The following NBEA variants were observed in gnomAD, a reference collection of about 807,000 sequenced individuals.
NBEA encodes the protein lysosomal-trafficking regulator 2.
In NBEA, 44 loss-of-function variants were observed where a neutral mutation model predicts 343.4. The observed-to-expected ratio is 0.13, with a 90% CI of 0.10 to 0.16. NBEA has a LOEUF of 0.16. Among genes scored for constraint, NBEA ranks in the 10% least tolerant of loss-of-function variants. NBEA has a pLI of 1.00. For missense variants in NBEA, 2,555 were observed against 3,631.3 expected, an observed-to-expected ratio of 0.70 and a Z score of 7.62; for synonymous variants, 1,175 against 1,238.7, an observed-to-expected ratio of 0.95 and a Z score of 1.08.
chr13:35,085,797 C>T (rs1345636080), intron 10 of NBEA, among the ~76,000 whole-genome samples: 1 of 152,096 alleles, frequency 6.6e-6, no homozygotes, highest in African/African-American at 2.4e-5. Context: ...CAAATTGTCC[C>T]TGTTTGCAGA....
intron 26 of NBEA, among the ~76,000 whole-genome samples, chr13:35,173,125 A>AC (rs397730347): frequency 6.6e-6 from 1 of 151,596 alleles, no homozygotes; most frequent in African/African-American, 2.4e-5. Context: ...TTATGTTTAA[A>AC]ATATTTTATT....
At chr13:35,344,560 T>G (rs1476076724) in intron 36 of NBEA, among the ~76,000 whole-genome samples, 1 of 151,746 alleles carries the variant, frequency 6.6e-6, no homozygotes, top group East Asian at 1.9e-4. Flanking sequence ...ATAGTGAACA[T>G]ACAGAATGAA....
intron 10 of NBEA, among the ~76,000 whole-genome samples, chr13:35,073,789 G>A (rs2063984702): frequency 6.6e-6 from 1 of 151,948 alleles, no homozygotes; most frequent in Admixed American, 6.6e-5. Flanking sequence ...AAAAATAGAA[G>A]AAGTTAGACG....
At chr13:35,489,680 A>G (rs2076433975) in intron 41 of NBEA, among the ~76,000 whole-genome samples, 1 of 151,922 alleles carries the variant, frequency 6.6e-6, no homozygotes. Context: ...GCTTGAGAAG[A>G]ATGCCAGTTC....
intron 41 of NBEA, among the ~76,000 whole-genome samples, chr13:35,479,483 T>A: frequency 6.6e-6 from 1 of 152,128 alleles, no homozygotes; most frequent in East Asian, 1.9e-4. Context: ...TCCCCGAAAT[T>A]TTTTTATGGA....
intron 41 of NBEA, among the ~76,000 whole-genome samples, chr13:35,493,933 A>G (rs1223809659): frequency 6.6e-6 from 1 of 151,820 alleles, no homozygotes; most frequent in Non-Finnish European, 1.5e-5. Flanking sequence ...TTATTCTTCA[A>G]AGGATCCTTA....
At chr13:35,045,437 T>A (rs750512586) in intron 4 of NBEA, 36 bp downstream of exon 4, 2 of 1,484,590 alleles carry the variant, frequency 1.3e-6, no homozygotes, top group South Asian at 2.5e-5. Flanking sequence ...TTTTATTTAT[T>A]TATTTTTAGG....
At chr13:35,320,874 G>T (rs541894888) in intron 36 of NBEA, among the ~76,000 whole-genome samples, 10 of 151,616 alleles carry the variant, frequency 6.6e-5, no homozygotes, top group African/African-American at 2.4e-4. Flanking sequence ...CCTTCTGCTT[G>T]ATGTATTCGG....
chr13:34,972,448 T>G (rs1454307734), intron 1 of NBEA, among the ~76,000 whole-genome samples: 1 of 152,224 alleles, frequency 6.6e-6, no homozygotes, highest in Non-Finnish European at 1.5e-5. Context: ...TCTCTAATTT[T>G]TTAATATAGG....
At chr13:35,283,991 C>CAG (rs1210012139) in intron 34 of NBEA, among the ~76,000 whole-genome samples, 5 of 128,346 alleles carry the variant, frequency 3.9e-5, no homozygotes, top group Non-Finnish European at 8.6e-5. Context: ...TACACAGACA[C>CAG]ACACACACAC....
intron 17 of NBEA, among the ~76,000 whole-genome samples, chr13:35,136,531 A>G (rs1466951446): frequency 1.3e-5 from 2 of 152,246 alleles, no homozygotes; most frequent in East Asian, 1.9e-4. Context: ...ACAGAGAATG[A>G]TAACACTAAG....
chr13:35,055,145 C>G (rs1191465380), intron 6 of NBEA, among the ~76,000 whole-genome samples: 1 of 151,866 alleles, frequency 6.6e-6, no homozygotes, highest in Non-Finnish European at 1.5e-5. Context: ...AGGGAGAAAC[C>G]AGTTAATTTT....
chr13:35,136,927 A>G (rs2067764619), intron 17 of NBEA, among the ~76,000 whole-genome samples: 1 of 152,234 alleles, frequency 6.6e-6, no homozygotes, highest in Non-Finnish European at 1.5e-5. Flanking sequence ...ATTCATACAT[A>G]ACAGCAGTGT....
At chr13:35,457,669 C>A (rs557539213) in intron 40 of NBEA, among the ~76,000 whole-genome samples, 2 of 152,018 alleles carry the variant, frequency 1.3e-5, no homozygotes, top group African/African-American at 4.8e-5. Context: ...ACTGCAGTGG[C>A]GAGATCTCGG....
chr13:35,111,752 G>T (rs2066219550), intron 13 of NBEA, among the ~76,000 whole-genome samples: 1 of 151,936 alleles, frequency 6.6e-6, no homozygotes, highest in Non-Finnish European at 1.5e-5. Flanking sequence ...AAATTACTGA[G>T]AAAGGGGCTA....
chr13:35,028,015 C>T (rs530213436), intron 1 of NBEA, among the ~76,000 whole-genome samples: 9 of 151,884 alleles, frequency 5.9e-5, no homozygotes, highest in South Asian at 2.1e-4. Context: ...TCTGGGTTCT[C>T]GCTTATGCTT....
intron 35 of NBEA, among the ~76,000 whole-genome samples, chr13:35,308,736 C>A (rs768100913): frequency 2.7e-5 from 4 of 148,160 alleles, no homozygotes; most frequent in African/African-American, 9.9e-5. Context: ...TTTAAAACCC[C>A]AAAAATAGAA....
chr13:35,529,829 A>G (rs996010390), intron 41 of NBEA, among the ~76,000 whole-genome samples: 2 of 152,164 alleles, frequency 1.3e-5, no homozygotes, highest in Non-Finnish European at 2.9e-5. Context: ...TGTTATTGCC[A>G]TGTGAAAATA....
intron 1 of NBEA, among the ~76,000 whole-genome samples, chr13:35,020,007 T>C (rs1198555178): frequency 2.0e-5 from 3 of 152,180 alleles, no homozygotes; most frequent in Admixed American, 6.5e-5. Context: ...TTTGTATCTT[T>C]GTTTTTTTCC....
Sources: gnomAD v4.1 joint callset for allele counts (sites outside exome capture counted in the v4.1 genomes callset) on GRCh38, gnomAD v4.1.1 for gene constraint, MANE v1.5 for transcripts, NCBI Gene and HGNC (gene_info 2026-07-23, HGNC 2026-07-21) for gene names.